AHCTF1: variants seen among roughly 807,000 people sequenced by gnomAD.
The protein encoded by AHCTF1 is protein ELYS.
In AHCTF1, 24 loss-of-function variants were observed where a neutral mutation model predicts 248.4. That is an observed-to-expected ratio of 0.10 (90% CI 0.07 to 0.14). The LOEUF (loss-of-function observed/expected upper bound fraction) is 0.14, where lower values mean the gene tolerates loss of function less well. Ranked by LOEUF, AHCTF1 falls within the 10% of genes least tolerant of loss-of-function variation. The pLI is 1.00. For missense variants in AHCTF1, 2,206 were observed against 2,636.2 expected (o/e 0.84, Z 3.57); for synonymous variants, 786 against 929.8 (o/e 0.85, Z 2.81).
intron 13 of AHCTF1, 128 bp from the exon 14 acceptor site, chr1:246,894,876 T>C: frequency 1.4e-6 from 1 of 735,366 alleles, no homozygotes. Context: ...GGGAGGCAAC[T>C]TGGGAAAATG....
intron 4 of AHCTF1, among the ~76,000 whole-genome samples, chr1:246,912,631 C>T (rs1318812158): frequency 6.6e-6 from 1 of 152,086 alleles, no homozygotes; most frequent in Non-Finnish European, 1.5e-5. Context: ...TCACAATTTT[C>T]AAAAACTGAA....
intron 2 of AHCTF1, 82 bp from the exon 3 acceptor site, chr1:246,916,477 A>G (rs560567798): frequency 4.4e-5 from 54 of 1,234,530 alleles, no homozygotes; most frequent in Non-Finnish European, 6.0e-5. Flanking sequence ...ACATACAACT[A>G]TATGTTCATT....
intron 14 of AHCTF1, 44 bp downstream of exon 14, chr1:246,894,615 T>G (rs1257764379): frequency 6.9e-7 from 1 of 1,454,838 alleles, no homozygotes; most frequent in South Asian, 1.2e-5. Context: ...AGGTTAGTAT[T>G]TTAATATTAA....
intron 29 of AHCTF1, among the ~76,000 whole-genome samples, chr1:246,860,281 A>G (rs559482166): frequency 3.3e-4 from 50 of 152,310 alleles, no homozygotes; most frequent in Admixed American, 1.5e-3. Flanking sequence ...AATTAAATAA[A>G]TAAAAATTGC....
At chr1:246,841,522 A>T (rs1659863754) in intron 35 of AHCTF1, among the ~76,000 whole-genome samples, 1 of 152,220 alleles carries the variant, frequency 6.6e-6, no homozygotes, top group African/African-American at 2.4e-5. Flanking sequence ...GAATTCAACC[A>T]TGCCTACTAA....
intron 23 of AHCTF1, 52 bp downstream of exon 23, chr1:246,876,898 T>C (rs2103105349): frequency 6.3e-7 from 1 of 1,591,600 alleles, no homozygotes; most frequent in Non-Finnish European, 8.5e-7. Context: ...CAAAAAAGCC[T>C]CCAGTTTTCC....
At position 246,900,618 on chromosome 1, in the gene AHCTF1, G is replaced by GT. The variant is rs1270132260; in HGVS notation, c.1118-150dup. 6.8e-6 allele frequency: 6 copies of GT among 876,180 alleles called. No homozygotes were observed. The East Asian group carries it at 1.7e-4, about 25-fold the overall frequency. The allele number at this position is 876,180 out of a possible 1,614,324, so 54.3% of individuals were successfully genotyped here. On this transcript the variant is annotated intron_variant, in intron 8 of 35. Transcript: ENST00000648844. The stretch of plus-strand genomic sequence containing the variant: ...CAAAACGCATTTCTATCATTTGTAT[G>GT]TAAGACCAGATTCATTCACTTGCAT...
chr1:246,891,835 T>C lies in AHCTF1; in HGVS notation c.1889A>G (p.Asn630Ser), dbSNP rs772728498. The C allele has an allele frequency of 6.2e-7, 1 of 1,609,116 alleles. No individual in the cohort carries two copies. Among genetic ancestry groups the C allele is most frequent in the Non-Finnish European group, 8.5e-7 (1 of 1,178,496 alleles). Residue 630 changes from asparagine (N) to serine (S), a missense_variant, in exon 15 of 36, where the codon AAT becomes AGT. Transcript: ENST00000648844. ...AAAACAGCTCAAGACTATATTAAGA[T>C]TGCTAAGAAGCAAATAGCATTGCTG... ...SIQQCYLLLS[N>S]LNIVLSCFAS...
intron 20 of AHCTF1, 102 bp from the exon 21 acceptor site, chr1:246,885,782 C>T (rs762892446): frequency 2.7e-4 from 296 of 1,104,558 alleles, no homozygotes; most frequent in Non-Finnish European, 3.5e-4. Context: ...AGATAAGACT[C>T]GTTTAAATAT....
At chr1:246,916,067 A>T in intron 3 of AHCTF1, 75 bp downstream of exon 3, 1 of 1,501,610 alleles carries the variant, frequency 6.7e-7, no homozygotes, top group Admixed American at 2.3e-5. Flanking sequence ...AAATTTCAAA[A>T]AGTAACACAC....
intron 1 of AHCTF1, among the ~76,000 whole-genome samples, chr1:246,922,264 A>T (rs1049913169): frequency 1.3e-5 from 2 of 152,036 alleles, no homozygotes; most frequent in Admixed American, 6.6e-5. Flanking sequence ...GGAGGCTGAG[A>T]AAGGAGAATT....
At chr1:246,927,087 A>G (rs1458802748) in intron 1 of AHCTF1, among the ~76,000 whole-genome samples, 1 of 151,582 alleles carries the variant, frequency 6.6e-6, no homozygotes, top group Non-Finnish European at 1.5e-5. Flanking sequence ...CTGAGGAGGG[A>G]GAATGGCGTG....
intron 1 of AHCTF1, among the ~76,000 whole-genome samples, chr1:246,919,359 CAGAA>C (rs112511665): frequency 7.2e-4 from 109 of 152,322 alleles, no homozygotes; most frequent in African/African-American, 2.4e-3. Context: ...GTCTCTTACT[CAGAA>C]AGACAACATT....
chr1:246,931,132 G>A, intron 1 of AHCTF1: 2 of 1,549,878 alleles, frequency 1.3e-6, no homozygotes, highest in Non-Finnish European at 1.7e-6. Flanking sequence ...TACTCACTGT[G>A]GCCAGGCCCA....
In AHCTF1 at chr1:246,905,547, T is replaced by C; in HGVS notation, c.875A>G (p.Gln292Arg). The C allele has an allele frequency of 1.2e-6, 2 of 1,610,466 alleles. No homozygotes were observed. The highest frequency in any genetic ancestry group is 1.7e-6 in the Non-Finnish European group (2 of 1,178,464). The change falls in exon 6 of 36, where the codon CAA (glutamine) becomes CGA (arginine). Residue 292 changes from glutamine (Q) to arginine (R), a missense_variant. Physicochemically the swap from Gln to Arg is conservative, Grantham distance 43 (BLOSUM62 1). This residue lies in a region of AHCTF1 where 650 missense variants were observed against 870.8 expected (regional missense o/e 0.75). Transcript: ENST00000648844. ...AAGTTTGTATGAGACCTACCTATCT[T>C]GTGTAGACTGAACAGCCCACAAGTA... is the stretch of plus-strand genomic sequence containing the variant. ...CCYLWAVQST[Q>R]DSEGDVLSLH...
At chr1:246,898,621 AACACACACACAC>A (rs74163703) in intron 11 of AHCTF1, among the ~76,000 whole-genome samples, 62 of 147,088 alleles carry the variant, frequency 4.2e-4, no homozygotes, top group East Asian at 1.2e-3. Context: ...ATCTTGACAA[AACACACACACAC>A]ACACACACAC....
At chr1:246,904,674 T>C (rs370392677) in intron 6 of AHCTF1, among the ~76,000 whole-genome samples, 2 of 152,204 alleles carry the variant, frequency 1.3e-5, no homozygotes, top group South Asian at 4.1e-4. Flanking sequence ...GTGAAGATAC[T>C]AAATCAACCC....
intron 4 of AHCTF1, among the ~76,000 whole-genome samples, chr1:246,912,742 T>C (rs181304177): frequency 1.3e-5 from 2 of 152,322 alleles, no homozygotes; most frequent in East Asian, 3.9e-4. Flanking sequence ...TTTTAGGATG[T>C]TATTTTGTGA....
At chr1:246,857,405 A>G (rs1202412651) in intron 30 of AHCTF1, among the ~76,000 whole-genome samples, 1 of 152,242 alleles carries the variant, frequency 6.6e-6, no homozygotes, top group African/African-American at 2.4e-5. Context: ...AGCAGAGGGC[A>G]TGGAGGTATG....
Sources: allele counts gnomAD v4.1 joint callset (sites outside exome capture counted in the v4.1 genomes callset), GRCh38; gene constraint gnomAD v4.1.1; regional missense constraint gnomAD v4.1.1; transcripts MANE v1.5; gene names NCBI Gene and HGNC (gene_info 2026-07-23, HGNC 2026-07-21).